Variants in SLC7A1 observed in about 807,000 individuals in gnomAD.
SLC7A1 encodes the protein high affinity cationic amino acid transporter 1.
SLC7A1 carries 10 observed loss-of-function variants against 53.9 expected under a neutral mutation model. That is an observed-to-expected ratio of 0.19 (90% CI 0.11 to 0.31). SLC7A1 has a LOEUF of 0.31. Among genes scored for constraint, SLC7A1 ranks in the 10% least tolerant of loss-of-function variants. The probability of loss-of-function intolerance (pLI) is 1.00; values close to 1 mark genes in which losing one functional copy is unlikely to be tolerated. For synonymous variants in SLC7A1, 342 were observed against 338.7 expected (o/e 1.01, Z -0.11); for missense variants, 525 against 827.2 (o/e 0.63, Z 4.48).
chr13:29,546,500 A>G (rs1869929009), intron 2 of SLC7A1, among the ~76,000 whole-genome samples: 1 of 152,224 alleles, frequency 6.6e-6, no homozygotes. Flanking sequence ...ATTGCAAACG[A>G]GAGCAAAGCA....
intron 1 of SLC7A1, among the ~76,000 whole-genome samples, chr13:29,584,690 T>A (rs1201359783): frequency 6.6e-6 from 1 of 152,136 alleles, no homozygotes; most frequent in Non-Finnish European, 1.5e-5. Flanking sequence ...GTGAATTATA[T>A]ACACAGACTT....
chr13:29,535,838 T>G lies in SLC7A1; in HGVS notation c.351A>C (p.Leu117Phe). Residue 117 changes from leucine (L) to phenylalanine (F), a missense_variant, in exon 3 of 13, where the codon TTA (leucine) becomes TTC (phenylalanine). By Grantham distance (22) the Leu-to-Phe change is conservative (BLOSUM62 0). Coordinates refer to ENST00000380752, the MANE Select transcript of SLC7A1 (RefSeq NM_003045.5). ...ELWAFITGWN[L>F]ILSYIIGTSS... ...ACCTACCGATGATGTAGGAGAGGAT[T>G]AAGTTCCAGCCGGTGATGAAGGCCC... is the stretch of plus-strand genomic sequence containing the variant. 6.2e-7 allele frequency: 1 copy of G among 1,613,984 alleles called. No homozygotes were observed. Among genetic ancestry groups the G allele is most frequent in the Non-Finnish European group, 8.5e-7 (1 of 1,179,880 alleles).
chr13:29,576,293 TA>T (rs3069134), intron 1 of SLC7A1, among the ~76,000 whole-genome samples: 6 of 124,964 alleles, frequency 4.8e-5, no homozygotes, highest in African/African-American at 2.2e-4. Context: ...TCCTGTTTTT[TA>T]AAAAAAAAAA....
At chr13:29,544,079 C>T (rs886801724) in intron 2 of SLC7A1, among the ~76,000 whole-genome samples, 2 of 152,158 alleles carry the variant, frequency 1.3e-5, no homozygotes, top group African/African-American at 2.4e-5. Context: ...ACTCACACCA[C>T]GAAGAGGCCC....
At chr13:29,568,227 G>A (rs1313168192) in intron 1 of SLC7A1, among the ~76,000 whole-genome samples, 3 of 152,150 alleles carry the variant, frequency 2.0e-5, no homozygotes, top group Non-Finnish European at 4.4e-5. Context: ...AGTCTACCCC[G>A]TACCTCTTCT....
At chr13:29,529,054 AAC>A (rs1869030434) in intron 5 of SLC7A1, among the ~76,000 whole-genome samples, 1 of 152,210 alleles carries the variant, frequency 6.6e-6, no homozygotes, top group Non-Finnish European at 1.5e-5. Context: ...ACGTTACTTC[AAC>A]ACATATTTGG....
chr13:29,520,629 C>T (rs1415530086), intron 8 of SLC7A1, among the ~76,000 whole-genome samples: 1 of 152,194 alleles, frequency 6.6e-6, no homozygotes. Flanking sequence ...TTGGCTACAT[C>T]TGCTTTGGGA....
chr13:29,524,720 T>G (rs1868804487), intron 5 of SLC7A1, among the ~76,000 whole-genome samples: 2 of 152,194 alleles, frequency 1.3e-5, no homozygotes. Context: ...AATAAAAGTC[T>G]TTGTCAGCAA....
At chr13:29,554,278 G>A (rs1348053205) in intron 1 of SLC7A1, among the ~76,000 whole-genome samples, 1 of 152,168 alleles carries the variant, frequency 6.6e-6, no homozygotes, top group African/African-American at 2.4e-5. Context: ...AGGCCAGCAG[G>A]GGCAGAAAAC....
chr13:29,595,366 G>A (rs1208906495), intron 1 of SLC7A1, 50 bp downstream of exon 1: 1 of 151,788 alleles, frequency 6.6e-6, no homozygotes, highest in Non-Finnish European at 1.5e-5. Flanking sequence ...CCTCCGTGAT[G>A]ACCCGGGCCC....
rs537790902 is a variant in SLC7A1, at chr13:29,543,615, C to T, written c.-14-7413G>A. Among the ~76,000 whole-genome samples, 26 of 151,016 alleles carry T rather than the reference C, an allele frequency of 1.7e-4. No homozygotes were observed. In the South Asian group the frequency reaches 4.2e-3, roughly 24 times the overall value. ...AAGCAACATTACATGGAGAGGGGTGCGGAAGGAGGCAGGGATCAGAGGTTC... is the reference window on the plus strand; with the variant it reads ...AAGCAACATTACATGGAGAGGGGTGTGGAAGGAGGCAGGGATCAGAGGTTC... On this transcript the variant is annotated intron_variant, in intron 2 of 12. Coordinates refer to ENST00000380752, the MANE Select transcript of SLC7A1 (RefSeq NM_003045.5).
rs1872273624 is a variant in SLC7A1 at position 29,595,500 on chromosome 13, C to G, written c.-199G>C. 1.0e-5 allele frequency: 1 copy of G among 95,346 alleles called. No homozygotes were observed. Among genetic ancestry groups the G allele is most frequent in the Admixed American group, 1.2e-4 (1 of 8,672 alleles). 5.9% of individuals were successfully genotyped at this position (95,346 alleles called of 1,614,324 possible). On this transcript the variant is annotated 5_prime_UTR_variant, in exon 1 of 13. Coordinates refer to ENST00000380752, the MANE Select transcript of SLC7A1 (RefSeq NM_003045.5). ...CAAGGACCAACGGACGCTCGGCCGG[C>G]GAGACCGGGCGGGGCGGGGCGGGGC...
chr13:29,570,696 A>G (rs1266538935), intron 1 of SLC7A1, among the ~76,000 whole-genome samples: 1 of 152,102 alleles, frequency 6.6e-6, no homozygotes, highest in Admixed American at 6.5e-5. Flanking sequence ...TACAAAATAC[A>G]GGAAAAAAAA....
At chr13:29,587,295 G>T (rs1871921678) in intron 1 of SLC7A1, among the ~76,000 whole-genome samples, 1 of 152,196 alleles carries the variant, frequency 6.6e-6, no homozygotes, top group Non-Finnish European at 1.5e-5. Context: ...GCCACTCTCA[G>T]TTCCAGCTGT....
At chr13:29,546,889 G>A (rs543966528) in intron 2 of SLC7A1, among the ~76,000 whole-genome samples, 41 of 152,314 alleles carry the variant, frequency 2.7e-4, no homozygotes, top group Admixed American at 1.1e-3. Context: ...CCACACACAT[G>A]CACTGCTGCA....
chr13:29,523,879 A>G (rs536840916), intron 6 of SLC7A1, among the ~76,000 whole-genome samples: 77 of 152,352 alleles, frequency 5.1e-4, no homozygotes, highest in African/African-American at 1.8e-3. Flanking sequence ...GGCCACAGCC[A>G]CACAGCTATG....
intron 1 of SLC7A1, among the ~76,000 whole-genome samples, chr13:29,588,203 T>C (rs1186977460): frequency 1.3e-5 from 2 of 152,216 alleles, no homozygotes; most frequent in Non-Finnish European, 2.9e-5. Context: ...AAATATGGAC[T>C]GTGGCCTAGA....
chr13:29,546,252 G>A (rs925485850), intron 2 of SLC7A1, among the ~76,000 whole-genome samples: 6 of 152,176 alleles, frequency 3.9e-5, no homozygotes, highest in Non-Finnish European at 5.9e-5. Flanking sequence ...GTTCCCTGCC[G>A]GCACTGCATT....
rs552968370 is a variant in SLC7A1 at position 29,518,014 on chromosome 13, C to T, written c.1293-224G>A. On this transcript the variant is annotated intron_variant, in intron 9 of 12. Coordinates refer to ENST00000380752, the MANE Select transcript of SLC7A1 (RefSeq NM_003045.5). The stretch of plus-strand genomic sequence containing the variant: ...ATCCTCCATGGTCTCTCCTTCGGGG[C>T]GACATGACCTCCACCATGAGCAGCC... 7.2e-5 allele frequency among the ~76,000 whole-genome samples: 11 copies of T among 152,328 alleles called. No homozygotes were observed. The South Asian group carries it at 2.1e-3, about 29-fold the overall frequency.
Sources: allele counts gnomAD v4.1 joint callset (sites outside exome capture counted in the v4.1 genomes callset), GRCh38; gene constraint gnomAD v4.1.1; transcripts MANE v1.5; gene names NCBI Gene and HGNC (gene_info 2026-07-23, HGNC 2026-07-21).